NBEAL1: variants seen among roughly 807,000 people sequenced by gnomAD.
NBEAL1 encodes neurobeachin like 1.
A neutral mutation model predicts 351.3 loss-of-function variants in NBEAL1; 273 were observed. That is an observed-to-expected ratio of 0.78 (90% CI 0.70 to 0.86). The LOEUF (loss-of-function observed/expected upper bound fraction) is 0.86, where lower values mean the gene tolerates loss of function less well. Among genes scored for constraint, NBEAL1 ranks in the 40% least tolerant of loss-of-function variants. The pLI, the probability that NBEAL1 is intolerant of heterozygous loss-of-function variation, is 0.00. For missense variants in NBEAL1, 2,961 were observed against 3,201.3 expected, an observed-to-expected ratio of 0.92 and a Z score of 1.81; for synonymous variants, 1,050 against 1,086.4, an observed-to-expected ratio of 0.97 and a Z score of 0.66.
intron 17 of NBEAL1, among the ~76,000 whole-genome samples, chr2:203,115,288 T>G (rs1052613660): frequency 6.6e-6 from 1 of 151,932 alleles, no homozygotes; most frequent in Non-Finnish European, 1.5e-5. Flanking sequence ...GCCCAGCTAA[T>G]TTTTTAGTAT....
chr2:203,224,655 T>C lies in NBEAL1; in HGVS notation c.*7301T>C, dbSNP rs2105870274. ...CTTGGAAATTGTGCTGCTACTTAAA[T>C]ATTGAAGGAATTCAGAAAGTTGTGT... On this transcript the variant is annotated 3_prime_UTR_variant, in exon 56 of 56. Coordinates refer to ENST00000683969, the MANE Select transcript of NBEAL1 (RefSeq NM_001378026.1). Among the ~76,000 whole-genome samples the C allele has an allele frequency of 6.6e-6, 1 of 152,282 alleles. No homozygotes were observed. The highest frequency in any genetic ancestry group is 2.1e-4 in the South Asian group (1 of 4,826).
intron 11 of NBEAL1, among the ~76,000 whole-genome samples, chr2:203,098,745 A>G (rs143720820): frequency 2.7e-4 from 41 of 152,270 alleles, no homozygotes; most frequent in African/African-American, 9.4e-4. Flanking sequence ...ACATGACAAT[A>G]CTTAGAGATA....
In NBEAL1 at chr2:203,113,285, C is replaced by T. The variant is rs2062614038; in HGVS notation, c.2473C>T (p.Gln825Ter). Reference protein sequence around the residue: ...GSVIIFYEPLQPPQVKALYLA... With the variant: ...GSVIIFYEPL ...TGTTATCATCTTTTATGAACCACTACAACCTCCTCAGGTGAAGGCATTATA... is the reference window on the plus strand; with the variant it reads ...TGTTATCATCTTTTATGAACCACTATAACCTCCTCAGGTGAAGGCATTATA... Residue 825 changes from glutamine (Q) to a stop codon, truncating the protein, a stop_gained, in exon 17 of 56, where the codon CAA (glutamine) becomes TAA (stop). Transcript: ENST00000683969. LOFTEE classifies it high-confidence loss of function. 2.7e-6 allele frequency: 4 copies of T among 1,456,182 alleles called. No individual in the cohort carries two copies. The highest frequency in any genetic ancestry group is 3.6e-6 in the Non-Finnish European group (4 of 1,101,752). The allele number at this position is 1,456,182 out of a possible 1,614,324, so 90.2% of individuals were successfully genotyped here.
chr2:203,130,440 G>C lies in NBEAL1; in HGVS notation c.3528G>C (p.Gln1176His). 1.4e-6 allele frequency: 2 copies of C among 1,476,228 alleles called. No individual in the cohort carries two copies. The highest frequency in any genetic ancestry group is 8.9e-7 in the Non-Finnish European group (1 of 1,120,410). The allele number at this position is 1,476,228 out of a possible 1,614,324, so 91.4% of individuals were successfully genotyped here. A position where few individuals can be genotyped will look rare whatever the true frequency, so the allele number is the denominator to read the frequency against. The change falls in exon 25 of 56, where the codon CAG (glutamine) becomes CAC (histidine). Residue 1176 changes from glutamine (Q) to histidine (H), a missense_variant. Transcript: ENST00000683969. ...ADILYALLLN[Q>H]KYSDRLREII... is the part of the protein sequence containing the mutation. ...TACTGTACGCATTGCTCTTAAATCAGAAGTACTCTGACAGACTAAGAGAAA... is the reference window on the plus strand; with the variant it reads ...TACTGTACGCATTGCTCTTAAATCACAAGTACTCTGACAGACTAAGAGAAA...
chr2:203,211,302 T>G (rs1424941318), intron 54 of NBEAL1, among the ~76,000 whole-genome samples, 196 bp downstream of exon 54: 1 of 152,080 alleles, frequency 6.6e-6, no homozygotes, highest in East Asian at 1.9e-4. Context: ...TATACATTTT[T>G]TAATATGTAG....
intron 55 of NBEAL1, among the ~76,000 whole-genome samples, chr2:203,214,481 T>C (rs2065865307): frequency 6.6e-6 from 1 of 152,236 alleles, no homozygotes; most frequent in South Asian, 2.1e-4. Context: ...GTCATTAAAT[T>C]AATGTTATTA....
At chr2:203,131,831 T>C in intron 25 of NBEAL1, 142 bp from the exon 26 acceptor site, 1 of 534,900 alleles carries the variant, frequency 1.9e-6, no homozygotes, top group South Asian at 4.0e-5. Flanking sequence ...TATAAGTTAA[T>C]AGCAATACTT....
chr2:203,122,188 C>G, intron 18 of NBEAL1, 66 bp from the exon 19 acceptor site: 1 of 864,564 alleles, frequency 1.2e-6, no homozygotes, highest in East Asian at 2.8e-5. Context: ...GTGAAATGTT[C>G]TATATGTGGT....
intron 6 of NBEAL1, among the ~76,000 whole-genome samples, chr2:203,063,577 A>G (rs1004165189): frequency 5.9e-5 from 9 of 152,006 alleles, no homozygotes; most frequent in Admixed American, 5.9e-4. Flanking sequence ...GAAGAAAAGA[A>G]GAGGAGAAAA....
intron 16 of NBEAL1, among the ~76,000 whole-genome samples, 170 bp from the exon 17 acceptor site, chr2:203,112,845 G>A (rs541043032): frequency 2.6e-5 from 4 of 152,156 alleles, no homozygotes; most frequent in Admixed American, 2.6e-4. Context: ...AATTTCCTAA[G>A]TATACACATG....
chr2:203,133,970 G>A (rs963403596), intron 27 of NBEAL1, among the ~76,000 whole-genome samples: 3 of 151,846 alleles, frequency 2.0e-5, no homozygotes, highest in African/African-American at 7.3e-5. Context: ...GCTTTTCCAT[G>A]TTATAAACTG....
chr2:203,060,963 G>A (rs760651802), intron 6 of NBEAL1, among the ~76,000 whole-genome samples: 18 of 152,296 alleles, frequency 1.2e-4, no homozygotes, highest in Non-Finnish European at 2.4e-4. Flanking sequence ...ACATGTGTTA[G>A]ACAAATGAAG....
chr2:203,200,631 T>C (rs979258994), intron 49 of NBEAL1, among the ~76,000 whole-genome samples: 6 of 151,998 alleles, frequency 3.9e-5, no homozygotes, highest in African/African-American at 1.2e-4. Context: ...GAGACAGAGG[T>C]TGCAGTGAGC....
At chr2:203,060,271 AAC>A (rs1363459317) in intron 6 of NBEAL1, among the ~76,000 whole-genome samples, 1 of 152,174 alleles carries the variant, frequency 6.6e-6, no homozygotes, top group Non-Finnish European at 1.5e-5. Context: ...GGTAGCTAAA[AAC>A]AGTTTTTGAA....
intron 16 of NBEAL1, among the ~76,000 whole-genome samples, chr2:203,112,789 A>G (rs561794846): frequency 6.6e-6 from 1 of 152,380 alleles, no homozygotes; most frequent in South Asian, 2.1e-4. Flanking sequence ...AAATAGTCAT[A>G]GAAGTAATGC....
At chr2:203,123,918 G>T (rs919099479) in intron 19 of NBEAL1, among the ~76,000 whole-genome samples, 2 of 151,894 alleles carry the variant, frequency 1.3e-5, no homozygotes, top group African/African-American at 4.8e-5. Context: ...TTATACTGTA[G>T]CCAAATCAAA....
chr2:203,153,725 A>G (rs909542838), intron 35 of NBEAL1, among the ~76,000 whole-genome samples: 3 of 152,150 alleles, frequency 2.0e-5, no homozygotes, highest in Non-Finnish European at 4.4e-5. Flanking sequence ...TTGAAATGTA[A>G]CTATCATTAA....
At chr2:203,176,369 A>T (rs981786679) in intron 42 of NBEAL1, among the ~76,000 whole-genome samples, 2 of 151,816 alleles carry the variant, frequency 1.3e-5, no homozygotes, top group African/African-American at 4.8e-5. Flanking sequence ...ATGTTAAGTG[A>T]TCAGCCCACC....
At chr2:203,172,893 T>G in intron 41 of NBEAL1, 40 bp downstream of exon 41, 1 of 1,542,734 alleles carries the variant, frequency 6.5e-7, no homozygotes, top group South Asian at 1.3e-5. Flanking sequence ...ACACATTGCT[T>G]CTTTGAATTT....
Sources: gnomAD v4.1 joint callset for allele counts (sites outside exome capture counted in the v4.1 genomes callset) on GRCh38, gnomAD v4.1.1 for gene constraint, MANE v1.5 for transcripts, NCBI Gene and HGNC (gene_info 2026-07-23, HGNC 2026-07-21) for gene names.